The following RORA variants were observed in gnomAD, a reference collection of about 807,000 sequenced individuals.
The protein encoded by RORA is RAR related orphan receptor A, also known as nuclear receptor ROR-alpha.
Under a neutral mutation model 69.5 loss-of-function variants are expected in RORA, and 7 were observed. The observed-to-expected ratio is 0.10, with a 90% CI of 0.06 to 0.19. The LOEUF (loss-of-function observed/expected upper bound fraction) is 0.19. Among genes scored for constraint, RORA ranks in the 10% least tolerant of loss-of-function variants. RORA has a pLI of 1.00. For missense variants in RORA, 457 were observed against 663.0 expected (o/e 0.69, Z 3.41); for synonymous variants, 261 against 240.8 (o/e 1.08, Z -0.78).
chr15:60,975,561 T>G (rs546762521), intron 1 of RORA, among the ~76,000 whole-genome samples: 3 of 152,136 alleles, frequency 2.0e-5, no homozygotes, highest in Non-Finnish European at 4.4e-5. Context: ...GGGGTCCTAT[T>G]CAGAACATGT....
chr15:60,501,183 A>G, intron 8 of RORA, 114 bp from the exon 9 acceptor site: 8 of 660,676 alleles, frequency 1.2e-5, no homozygotes, highest in Non-Finnish European at 2.2e-5. Context: ...TCTTAGGAGA[A>G]AAACATGGGG....
At chr15:60,792,279 A>C (rs959982171) in intron 1 of RORA, among the ~76,000 whole-genome samples, 1 of 152,196 alleles carries the variant, frequency 6.6e-6, no homozygotes, top group Non-Finnish European at 1.5e-5. Context: ...ATAATGAAGA[A>C]GAGTGAACAG....
At chr15:61,208,263 A>G (rs1034794592) in intron 1 of RORA, among the ~76,000 whole-genome samples, 1 of 152,202 alleles carries the variant, frequency 6.6e-6, no homozygotes, top group Admixed American at 6.5e-5. Flanking sequence ...ACATAGACAA[A>G]CCCCCAAAAC....
chr15:61,030,398 G>C (rs1250183315), intron 1 of RORA, among the ~76,000 whole-genome samples: 1 of 152,154 alleles, frequency 6.6e-6, no homozygotes, highest in African/African-American at 2.4e-5. Flanking sequence ...GGGGCATGAG[G>C]TTGGCAACTT....
At chr15:61,052,410 A>G (rs147204909) in intron 1 of RORA, among the ~76,000 whole-genome samples, 54 of 152,360 alleles carry the variant, frequency 3.5e-4, no homozygotes, top group African/African-American at 1.2e-3. Context: ...AATTACAGTT[A>G]ACTCCAGTGG....
chr15:60,523,754 C>T (rs6494208), intron 3 of RORA, among the ~76,000 whole-genome samples: 5 of 152,334 alleles, frequency 3.3e-5, no homozygotes, highest in East Asian at 3.9e-4. Flanking sequence ...TCACTGCAGC[C>T]TCAACTTCCT....
intron 1 of RORA, among the ~76,000 whole-genome samples, chr15:60,769,677 A>C (rs2072044722): frequency 6.6e-6 from 1 of 151,916 alleles, no homozygotes; most frequent in Non-Finnish European, 1.5e-5. Context: ...CTGATGTCTG[A>C]TATCCATTTG....
At chr15:61,064,205 C>A (rs2078225517) in intron 1 of RORA, among the ~76,000 whole-genome samples, 2 of 152,178 alleles carry the variant, frequency 1.3e-5, no homozygotes, top group South Asian at 4.1e-4. Flanking sequence ...TGCAATTATG[C>A]AATCACATTT....
At chr15:60,521,512 T>C (rs2066166803) in intron 3 of RORA, among the ~76,000 whole-genome samples, 1 of 152,142 alleles carries the variant, frequency 6.6e-6, no homozygotes, top group Admixed American at 6.5e-5. Context: ...AGTGCTCGGA[T>C]TTACAGGCGT....
At chr15:60,966,059 C>A (rs1254591567) in intron 1 of RORA, among the ~76,000 whole-genome samples, 3 of 152,160 alleles carry the variant, frequency 2.0e-5, no homozygotes, top group Non-Finnish European at 4.4e-5. Flanking sequence ...AGTCCACAGA[C>A]CTGGTTCCTT....
At chr15:61,228,980 C>G in intron 1 of RORA, 73 bp downstream of exon 1, 1 of 833,038 alleles carries the variant, frequency 1.2e-6, no homozygotes. Flanking sequence ...CCCCGGGCGC[C>G]CGCTCCCGGC....
rs1276437900 is a variant in RORA, at chr15:60,534,514, T to C, written c.197-2663A>G. Among the ~76,000 whole-genome samples the C allele has an allele frequency of 1.3e-5, 2 of 152,104 alleles. No individual in the cohort carries two copies. Among genetic ancestry groups the C allele is most frequent in the East Asian group, 3.9e-4 (2 of 5,192 alleles). ...ACAGGGGGGCCATTCACTTAGATCT[T>C]TGTCCCCATGTGTCTGTGCTTAGTT... On this transcript the variant is annotated intron_variant, in intron 2 of 10. Transcript: ENST00000335670. The surrounding 1 kb of genome is among the most constrained non-coding windows in gnomAD (Gnocchi z 5.0).
intron 3 of RORA, among the ~76,000 whole-genome samples, chr15:60,516,176 T>A (rs1457558537): frequency 2.0e-4 from 5 of 25,560 alleles, no homozygotes; most frequent in East Asian, 2.8e-3. Flanking sequence ...TATATATTTA[T>A]ATATATATTT....
At chr15:61,201,670 T>C (rs1004782531) in intron 1 of RORA, among the ~76,000 whole-genome samples, 1 of 152,236 alleles carries the variant, frequency 6.6e-6, no homozygotes, top group Admixed American at 6.5e-5. Flanking sequence ...TTCACACCAC[T>C]TGGTTATCAC....
At chr15:60,744,425 C>T (rs968765076) in intron 1 of RORA, among the ~76,000 whole-genome samples, 7 of 152,120 alleles carry the variant, frequency 4.6e-5, no homozygotes, top group East Asian at 1.9e-4. Flanking sequence ...GTAGCTGATT[C>T]GGTTATATCC....
chr15:60,651,778 A>G (rs1398475143), intron 2 of RORA, among the ~76,000 whole-genome samples: 2 of 152,188 alleles, frequency 1.3e-5, no homozygotes, highest in African/African-American at 4.8e-5. Flanking sequence ...AGAGTTTTGA[A>G]CAGCCACTTT....
At chr15:61,117,194 T>TTTTC (rs762452270) in intron 1 of RORA, among the ~76,000 whole-genome samples, 1 of 150,798 alleles carries the variant, frequency 6.6e-6, no homozygotes, top group Non-Finnish European at 1.5e-5. Context: ...TTTTTTTTTT[T>TTTTC]AACATAAACT....
intron 1 of RORA, among the ~76,000 whole-genome samples, chr15:60,891,596 G>T (rs1360244797): frequency 6.6e-6 from 1 of 152,172 alleles, no homozygotes; most frequent in Non-Finnish European, 1.5e-5. Context: ...AGGTGGCAAG[G>T]CAGGAGCATG....
chr15:61,143,100 A>T (rs2079315803), intron 1 of RORA, among the ~76,000 whole-genome samples: 2 of 152,156 alleles, frequency 1.3e-5, no homozygotes, highest in Admixed American at 1.3e-4. Context: ...GCCAAAGAGG[A>T]TCAACTGAAA....
Sources: gnomAD v4.1 joint callset for allele counts (sites outside exome capture counted in the v4.1 genomes callset) on GRCh38, gnomAD v4.1.1 for gene constraint, Gnocchi (gnomAD v3.1) non-coding constraint, MANE v1.5 for transcripts, NCBI Gene and HGNC (gene_info 2026-07-23, HGNC 2026-07-21) for gene names.